The following TMED7 variants were observed in gnomAD, a reference collection of about 807,000 sequenced individuals.
TMED7 encodes the protein transmembrane p24 trafficking protein 7, also known as transmembrane emp24 domain-containing protein 7.
In TMED7, 8 loss-of-function variants were observed where a neutral mutation model predicts 23.4. The ratio of observed to expected loss-of-function variants is 0.34; its 90% CI spans 0.20 to 0.62. TMED7 has a LOEUF of 0.62. Ranked by LOEUF, TMED7 falls within the 20% of genes least tolerant of loss-of-function variation. The pLI, the probability that TMED7 is intolerant of heterozygous loss-of-function variation, is 0.77. For synonymous variants in TMED7, 121 were observed against 108.5 expected, an observed-to-expected ratio of 1.12 and a Z score of -0.72; for missense variants, 232 against 279.1, an observed-to-expected ratio of 0.83 and a Z score of 1.20.
chr5:115,619,436 A>G (rs1311092954), intron 2 of TMED7, among the ~76,000 whole-genome samples: 2 of 152,186 alleles, frequency 1.3e-5, no homozygotes, highest in African/African-American at 2.4e-5. Context: ...ATGTTAACGA[A>G]TAAGTGGTAA....
At position 115,614,904 on chromosome 5, in the gene TMED7, C is replaced by T. The variant is rs1362711544; in HGVS notation, c.*1305G>A. On this transcript the variant is annotated 3_prime_UTR_variant, in exon 3 of 3. Transcript: ENST00000456936. ...CACTTTTGGGTAGGGAAGAGAGGCA[C>T]GGCAGAAAAGCAGTTGCAATTAAAA... The T allele has an allele frequency of 2.0e-5, 3 of 148,180 alleles. No individual in the cohort carries two copies. Among genetic ancestry groups the T allele is most frequent in the African/African-American group, 7.5e-5 (3 of 40,016 alleles). The allele number at this position is 148,180 out of a possible 1,614,324, so 9.2% of individuals were successfully genotyped here.
rs749772313 is a variant in TMED7, at chr5:115,620,626, T to C, written c.247A>G (p.Lys83Glu). Reference sequence around the variant, plus strand: ...TTCTTCATCTCTTTGTATAACACTTTACCATCAGGATCTTCTAATCGACAA... The same window carrying C: ...TTCTTCATCTCTTTGTATAACACTTCACCATCAGGATCTTCTAATCGACAA... ...VDCRLEDPDG[K>E]VLYKEMKKQY... is the part of the protein sequence containing the mutation. The change falls in exon 2 of 3, where the codon AAA becomes GAA. Residue 83 changes from lysine (K) to glutamate (E), a missense_variant. Physicochemically the swap from Lys to Glu is moderately conservative, Grantham distance 56. Transcript: ENST00000456936. 6.3e-7 allele frequency: 1 copy of C among 1,581,970 alleles called. No individual in the cohort carries two copies. Among genetic ancestry groups the C allele is most frequent in the Non-Finnish European group, 8.6e-7 (1 of 1,165,282 alleles).
chr5:115,625,778 C>G lies in TMED7; in HGVS notation c.15G>C (p.Gly5=). 1 of 1,449,544 alleles carries G rather than the reference C, an allele frequency of 6.9e-7. No individual in the cohort carries two copies. The highest frequency in any genetic ancestry group is 9.0e-7 in the Non-Finnish European group (1 of 1,104,990). 89.8% of individuals were successfully genotyped at this position (1,449,544 alleles called of 1,614,324 possible). Residue 5 remains glycine, a synonymous_variant, in exon 1 of 3, where the codon GGG becomes GGC. Transcript: ENST00000456936. ...CGACGGCCGCCCAGCGCTGCGCGGA[C>G]CCCGGCCGCGGCATCCCGAGAAGGC... MPRP[G]SAQRWAAVAG...
Position 115,613,684 on chromosome 5 carries a change from G to A in TMED7, c.*2525C>T, listed in dbSNP as rs1017744701. The A allele has an allele frequency of 9.8e-5, 15 of 152,448 alleles. No homozygotes were observed. Among genetic ancestry groups the A allele is most frequent in the African/African-American group, 3.6e-4 (15 of 41,504 alleles). The allele number at this position is 152,448 out of a possible 1,614,324, so 9.4% of individuals were successfully genotyped here. Reference sequence around the variant, plus strand: ...TATAAATGTTACACATTTACAAACTGAAACAAAAATGCATAGTACAGAGAT... The same window carrying A: ...TATAAATGTTACACATTTACAAACTAAAACAAAAATGCATAGTACAGAGAT... On this transcript the variant is annotated 3_prime_UTR_variant, in exon 3 of 3. Coordinates refer to ENST00000456936, the MANE Select transcript of TMED7 (RefSeq NM_181836.6).
chr5:115,615,982 G>A lies in TMED7; in HGVS notation c.*227C>T. 1.8e-6 allele frequency: 1 copy of A among 563,632 alleles called. No individual in the cohort carries two copies. Among genetic ancestry groups the A allele is most frequent in the Non-Finnish European group, 3.2e-6 (1 of 315,872 alleles). 34.9% of individuals were successfully genotyped at this position (563,632 alleles called of 1,614,324 possible). Reference sequence around the variant, plus strand: ...GCGAACAGAGTAGATCATTGGTGTTGAATATTTAACATGAATAGCCCAAAA... The same window carrying A: ...GCGAACAGAGTAGATCATTGGTGTTAAATATTTAACATGAATAGCCCAAAA... On this transcript the variant is annotated 3_prime_UTR_variant, in exon 3 of 3. Coordinates refer to ENST00000456936, the MANE Select transcript of TMED7 (RefSeq NM_181836.6).
Position 115,625,679 on chromosome 5 carries a change from G to T in TMED7, c.114C>A (p.Thr38=), listed in dbSNP as rs778031565. ...VPGPGGASEI[T]FELPDNAKQC... is the part of the protein sequence containing the mutation. ...GCTTGGCGTTGTCAGGAAGCTCGAA[G>T]GTGATCTCAGAGGCGCCGCCGGGTC... Residue 38 remains threonine (T), a synonymous_variant, in exon 1 of 3, where the codon ACC becomes ACA. Coordinates refer to ENST00000456936, the MANE Select transcript of TMED7 (RefSeq NM_181836.6). 3 of 1,603,644 alleles carry T rather than the reference G, an allele frequency of 1.9e-6. No homozygotes were observed. In the African/African-American group the frequency reaches 4.1e-5, roughly 22 times the overall value.
chr5:115,617,240 C>G (rs1756804923), intron 2 of TMED7, among the ~76,000 whole-genome samples: 2 of 151,986 alleles, frequency 1.3e-5, no homozygotes, highest in South Asian at 4.1e-4. Flanking sequence ...CAAACTTAAT[C>G]CTAGTGGTAA....
At chr5:115,625,561 G>T in intron 1 of TMED7, 40 bp downstream of exon 1, 1 of 1,489,336 alleles carries the variant, frequency 6.7e-7, no homozygotes, top group African/African-American at 1.4e-5. Context: ...CAATCCTGGA[G>T]CCGCGAGTTG....
At chr5:115,619,851 G>A (rs1224052879) in intron 2 of TMED7, among the ~76,000 whole-genome samples, 1 of 152,088 alleles carries the variant, frequency 6.6e-6, no homozygotes, top group African/African-American at 2.4e-5. Context: ...TGTTCACTGG[G>A]TTTAAATTTT....
chr5:115,625,806 C>A lies in TMED7; in HGVS notation c.-14G>T. On this transcript the variant is annotated 5_prime_UTR_variant, in exon 1 of 3. Transcript: ENST00000456936. The stretch of plus-strand genomic sequence containing the variant: ...CGGCCGCGGCATCCCGAGAAGGCGG[C>A]GGCGGCCTCAACCGAGCTGCGAGAC... The A allele has an allele frequency of 7.1e-7, 1 of 1,403,036 alleles. No individual in the cohort carries two copies. The highest frequency in any genetic ancestry group is 9.2e-7 in the Non-Finnish European group (1 of 1,084,046). 86.9% of individuals were successfully genotyped at this position (1,403,036 alleles called of 1,614,324 possible). A position where few individuals can be genotyped will look rare whatever the true frequency, so the allele number is the denominator to read the frequency against.
rs1414283129 is a variant in TMED7, at chr5:115,615,974, T to C, written c.*235A>G. ...AAACAACTGCGAACAGAGTAGATCA[T>C]TGGTGTTGAATATTTAACATGAATA... On this transcript the variant is annotated 3_prime_UTR_variant, in exon 3 of 3. Transcript: ENST00000456936. 11 of 547,458 alleles carry C rather than the reference T, an allele frequency of 2.0e-5. No individual in the cohort carries two copies. Among genetic ancestry groups the C allele is most frequent in the African/African-American group, 3.8e-5 (2 of 53,026 alleles). 33.9% of individuals were successfully genotyped at this position (547,458 alleles called of 1,614,324 possible). A position where few individuals can be genotyped will look rare whatever the true frequency, so the allele number is the denominator to read the frequency against.
intron 1 of TMED7, among the ~76,000 whole-genome samples, chr5:115,622,392 C>T (rs540924109): frequency 2.0e-5 from 3 of 152,314 alleles, no homozygotes; most frequent in Admixed American, 6.5e-5. Flanking sequence ...TCAAATTCAT[C>T]GCATTCCGAA....
At chr5:115,624,899 T>C (rs1488576704) in intron 1 of TMED7, among the ~76,000 whole-genome samples, 1 of 152,254 alleles carries the variant, frequency 6.6e-6, no homozygotes, top group African/African-American at 2.4e-5. Flanking sequence ...TCATGAATGA[T>C]GGCAGTGACC....
chr5:115,625,889 C>G lies in TMED7; in HGVS notation c.-97G>C. 1.5e-6 allele frequency: 2 copies of G among 1,310,090 alleles called. No homozygotes were observed. The highest frequency in any genetic ancestry group is 1.9e-6 in the Non-Finnish European group (2 of 1,034,036). The allele number at this position is 1,310,090 out of a possible 1,614,324, so 81.2% of individuals were successfully genotyped here. ...CGGCAGGCCTCAGCGCAGGCCACCCCGCAAAGATACACAGCAGAGCAGGTT... is the reference window on the plus strand; with the variant it reads ...CGGCAGGCCTCAGCGCAGGCCACCCGGCAAAGATACACAGCAGAGCAGGTT... On this transcript the variant is annotated 5_prime_UTR_variant, in exon 1 of 3. Coordinates refer to ENST00000456936, the MANE Select transcript of TMED7 (RefSeq NM_181836.6).
At chr5:115,625,027 T>A (rs759413872) in intron 1 of TMED7, among the ~76,000 whole-genome samples, 4 of 152,232 alleles carry the variant, frequency 2.6e-5, no homozygotes, top group African/African-American at 4.8e-5. Flanking sequence ...ACCAACCGAA[T>A]AAACCACATT....
chr5:115,622,904 A>G (rs1053875785), intron 1 of TMED7, among the ~76,000 whole-genome samples: 1 of 152,312 alleles, frequency 6.6e-6, no homozygotes, highest in South Asian at 2.1e-4. Context: ...GTGCAGTTCA[A>G]CAGGGTTTGC....
chr5:115,618,705 T>A (rs1218507124), intron 2 of TMED7, among the ~76,000 whole-genome samples: 1 of 152,222 alleles, frequency 6.6e-6, no homozygotes, highest in Non-Finnish European at 1.5e-5. Context: ...CATATTATGA[T>A]AAGGCACATA....
Position 115,615,741 on chromosome 5 carries a change from T to C in TMED7, c.*468A>G, listed in dbSNP as rs1192047074. On this transcript the variant is annotated 3_prime_UTR_variant, in exon 3 of 3. Transcript: ENST00000456936. ...CTATGGTAGATTTATTTTTCCTCCA[T>C]AAAACTGAACAGTGCAGAATAGGGC... The C allele has an allele frequency of 6.5e-6, 1 of 154,776 alleles. No individual in the cohort carries two copies. The highest frequency in any genetic ancestry group is 1.4e-5 in the Non-Finnish European group (1 of 69,428). The allele number at this position is 154,776 out of a possible 1,614,324, so 9.6% of individuals were successfully genotyped here. A position where few individuals can be genotyped will look rare whatever the true frequency, so the allele number is the denominator to read the frequency against.
chr5:115,616,495 CATCT>C (rs1432503182), intron 2 of TMED7, 50 bp from the exon 3 acceptor site: 1 of 1,609,826 alleles, frequency 6.2e-7, no homozygotes, highest in East Asian at 2.2e-5. Flanking sequence ...CTGTAGACTT[CATCT>C]ATCATATTCA....
Sources: allele counts gnomAD v4.1 joint callset (sites outside exome capture counted in the v4.1 genomes callset), GRCh38; gene constraint gnomAD v4.1.1; transcripts MANE v1.5; gene names NCBI Gene and HGNC (gene_info 2026-07-23, HGNC 2026-07-21).